SAMSN1: variants seen among roughly 807,000 people sequenced by gnomAD.
SAMSN1 encodes SAM domain, SH3 domain and nuclear localization signals 1.
A neutral mutation model predicts 42.0 loss-of-function variants in SAMSN1; 31 were observed. The ratio of observed to expected loss-of-function variants is 0.74; its 90% CI spans 0.55 to 1.00. The LOEUF is 1.00. SAMSN1 is among the 50% of genes least tolerant of loss of function. SAMSN1 has a pLI of 0.00. For synonymous variants in SAMSN1, 178 were observed against 151.9 expected (o/e 1.17, Z -1.26); for missense variants, 464 against 439.4 (o/e 1.06, Z -0.50).
upstream of SAMSN1, among the ~76,000 whole-genome samples, chr21:14,659,062 C>G (rs148548943): frequency 1.6e-4 from 25 of 152,050 alleles, no homozygotes; most frequent in East Asian, 4.4e-3. Flanking sequence ...CTAAAACCTG[C>G]AGTGAAAATG....
At chr21:14,514,504 G>C (rs182186727) in intron 3 of SAMSN1, among the ~76,000 whole-genome samples, 3 of 152,148 alleles carry the variant, frequency 2.0e-5, no homozygotes, top group Admixed American at 2.0e-4. Flanking sequence ...AGTAATCCAG[G>C]AAAGAAAGGT....
chr21:14,569,966 T>A (rs1568812900), intron 2 of SAMSN1, among the ~76,000 whole-genome samples: 1 of 140,326 alleles, frequency 7.1e-6, no homozygotes, highest in South Asian at 2.3e-4. Context: ...TTTAAAACTG[T>A]GGTGTCTTTA....
chr21:14,545,381 A>G (rs1167910905), intron 1 of SAMSN1, among the ~76,000 whole-genome samples: 1 of 152,136 alleles, frequency 6.6e-6, no homozygotes, highest in Admixed American at 6.5e-5. Flanking sequence ...GCTATTGTTT[A>G]TCTCAGAAAG....
upstream of SAMSN1, chr21:14,583,688 T>G: frequency 1.4e-6 from 1 of 717,558 alleles, no homozygotes; most frequent in African/African-American, 1.7e-5. Flanking sequence ...ATCCAGATTC[T>G]GCACTCTGGC....
intron 2 of SAMSN1, among the ~76,000 whole-genome samples, chr21:14,557,466 T>C (rs1309070835): frequency 1.3e-5 from 2 of 152,150 alleles, no homozygotes; most frequent in Non-Finnish European, 2.9e-5. Flanking sequence ...GACGTGGTCA[T>C]AGTGTGACCC....
chr21:14,639,787 G>A (rs1400851255), intron 2 of SAMSN1, among the ~76,000 whole-genome samples: 1 of 151,990 alleles, frequency 6.6e-6, no homozygotes, highest in Non-Finnish European at 1.5e-5. Context: ...CCGCATGCTT[G>A]TTCACTCCCG....
At chr21:14,658,271 G>T (rs1983947273) in intron 1 of SAMSN1, among the ~76,000 whole-genome samples, 2 of 151,800 alleles carry the variant, frequency 1.3e-5, no homozygotes, top group Admixed American at 1.3e-4. Flanking sequence ...ATTGTACCTT[G>T]CATTTACAGT....
intron 7 of SAMSN1, chr21:14,591,568 A>C (rs1982086366): frequency 6.6e-6 from 1 of 152,200 alleles, no homozygotes; most frequent in Admixed American, 6.5e-5. Context: ...CCAAAAATAC[A>C]TCTGGAGGAA....
intron 7 of SAMSN1, among the ~76,000 whole-genome samples, chr21:14,488,567 A>C (rs148994669): frequency 2.6e-5 from 4 of 152,202 alleles, no homozygotes; most frequent in Non-Finnish European, 5.9e-5. Context: ...AACTGTCTTT[A>C]CTAGAGAATA....
intron 1 of SAMSN1, chr21:14,658,646 G>T: frequency 1.5e-6 from 1 of 676,576 alleles, no homozygotes; most frequent in South Asian, 1.6e-5. Flanking sequence ...CTAAGTGTAT[G>T]AATATCATCA....
intron 1 of SAMSN1, among the ~76,000 whole-genome samples, chr21:14,658,053 G>A (rs1189408396): frequency 1.3e-5 from 2 of 151,710 alleles, no homozygotes; most frequent in Non-Finnish European, 2.9e-5. Context: ...ACACAGAAAT[G>A]AATAAAATTA....
At chr21:14,531,564 C>T (rs1979271539) in intron 1 of SAMSN1, among the ~76,000 whole-genome samples, 1 of 151,360 alleles carries the variant, frequency 6.6e-6, no homozygotes, top group Non-Finnish European at 1.5e-5. Flanking sequence ...ACTTTTAAGC[C>T]CCAAAACTTT....
chr21:14,545,429 C>A (rs1414708848), intron 1 of SAMSN1, among the ~76,000 whole-genome samples: 1 of 151,986 alleles, frequency 6.6e-6, no homozygotes, highest in Non-Finnish European at 1.5e-5. Context: ...AAGAAATGTA[C>A]AAGTATTGGA....
intron 5 of SAMSN1, among the ~76,000 whole-genome samples, chr21:14,607,136 A>T (rs1034031024): frequency 6.6e-6 from 1 of 152,114 alleles, no homozygotes; most frequent in Non-Finnish European, 1.5e-5. Context: ...TTTCATTAGT[A>T]TCTAATAAAA....
intron 5 of SAMSN1, among the ~76,000 whole-genome samples, chr21:14,605,989 C>T (rs1244072929): frequency 6.6e-6 from 1 of 151,740 alleles, no homozygotes; most frequent in African/African-American, 2.4e-5. Flanking sequence ...CTACAGGCGC[C>T]CGCCACCACG....
chr21:14,649,970 A>T (rs994770032), intron 1 of SAMSN1, among the ~76,000 whole-genome samples: 2 of 152,198 alleles, frequency 1.3e-5, no homozygotes, highest in Non-Finnish European at 2.9e-5. Context: ...TGATAAAGGG[A>T]TCAATTCAGC....
chr21:14,561,145 T>C (rs1253541931), intron 2 of SAMSN1, among the ~76,000 whole-genome samples: 1 of 152,092 alleles, frequency 6.6e-6, no homozygotes, highest in East Asian at 1.9e-4. Context: ...TTGAGGTATC[T>C]TTCACGCTGC....
chr21:14,606,789 A>C (rs1982581328), intron 5 of SAMSN1, among the ~76,000 whole-genome samples: 1 of 152,194 alleles, frequency 6.6e-6, no homozygotes, highest in Non-Finnish European at 1.5e-5. Flanking sequence ...GGACTAGATA[A>C]ACTAAAAATA....
intron 6 of SAMSN1, chr21:14,598,132 A>G (rs1982324438): frequency 6.6e-6 from 1 of 152,096 alleles, no homozygotes; most frequent in Non-Finnish European, 1.5e-5. Context: ...CTGAGAAAGA[A>G]AATGTTTTGG....
Sources: gnomAD v4.1 joint callset for allele counts (sites outside exome capture counted in the v4.1 genomes callset) on GRCh38, gnomAD v4.1.1 for gene constraint, MANE v1.5 for transcripts, NCBI Gene and HGNC (gene_info 2026-07-23, HGNC 2026-07-21) for gene names.